The following RASSF3 variants were observed in gnomAD, a reference collection of about 807,000 sequenced individuals.
RASSF3 encodes ras association domain-containing protein 3.
A neutral mutation model predicts 19.9 loss-of-function variants in RASSF3; 19 were observed. The observed-to-expected ratio is 0.96, with a 90% CI of 0.67 to 1.40. RASSF3 has a LOEUF of 1.40. Among genes scored for constraint, RASSF3 ranks in the 40% most tolerant of loss-of-function variants. The probability of loss-of-function intolerance (pLI) is 0.00; values close to 1 mark genes in which losing one functional copy is unlikely to be tolerated. For synonymous variants in RASSF3, 110 were observed against 104.2 expected, an observed-to-expected ratio of 1.06 and a Z score of -0.34; for missense variants, 306 against 289.8, an observed-to-expected ratio of 1.06 and a Z score of -0.41.
At chr12:64,552,789 G>A (rs1869187244) in intron 2 of RASSF3, among the ~76,000 whole-genome samples, 1 of 152,108 alleles carries the variant, frequency 6.6e-6, no homozygotes, top group Admixed American at 6.5e-5. Flanking sequence ...GTGGGCATTT[G>A]GGTTGATTCT....
chr12:64,559,042 CT>C (rs1172160573), intron 2 of RASSF3, among the ~76,000 whole-genome samples: 1 of 152,068 alleles, frequency 6.6e-6, no homozygotes, highest in Non-Finnish European at 1.5e-5. Flanking sequence ...TTGTGGCTGC[CT>C]GGCTCCTGAC....
chr12:64,566,408 G>A (rs1222100609), intron 2 of RASSF3, among the ~76,000 whole-genome samples: 2 of 152,160 alleles, frequency 1.3e-5, no homozygotes, highest in African/African-American at 2.4e-5. Flanking sequence ...AGAACTCATT[G>A]GAAGCAAGGT....
intron 1 of RASSF3, among the ~76,000 whole-genome samples, chr12:64,516,487 C>T (rs530575100): frequency 0.014 from 2,160 of 150,246 alleles, 20 homozygotes; most frequent in Non-Finnish European, 0.018. Flanking sequence ...GGCGTAGTGG[C>T]GGGCGCCTGT....
chr12:64,558,366 G>A (rs144441561), intron 2 of RASSF3, among the ~76,000 whole-genome samples: 4 of 152,136 alleles, frequency 2.6e-5, no homozygotes, highest in Admixed American at 1.3e-4. Flanking sequence ...CTTTTCCATG[G>A]GAGATGCTTT....
intron 2 of RASSF3, among the ~76,000 whole-genome samples, chr12:64,560,127 G>C (rs1869323878): frequency 6.6e-6 from 1 of 152,196 alleles, no homozygotes; most frequent in Non-Finnish European, 1.5e-5. Flanking sequence ...GGTTCAGAGG[G>C]CTCTGCCAAG....
intron 2 of RASSF3, among the ~76,000 whole-genome samples, chr12:64,576,044 C>A (rs996993769): frequency 6.6e-6 from 1 of 152,136 alleles, no homozygotes; most frequent in Non-Finnish European, 1.5e-5. Context: ...CATGCACCAC[C>A]ATGCCCGGCT....
intron 1 of RASSF3, among the ~76,000 whole-genome samples, chr12:64,625,763 A>G (rs1870965725): frequency 6.6e-6 from 1 of 151,954 alleles, no homozygotes; most frequent in African/African-American, 2.4e-5. Flanking sequence ...TTCTCTCTCC[A>G]CAGAGTGACT....
intron 1 of RASSF3, among the ~76,000 whole-genome samples, chr12:64,541,047 T>C (rs1868925523): frequency 7.1e-6 from 1 of 141,502 alleles, no homozygotes; most frequent in African/African-American, 2.5e-5. Context: ...ATCCTAGCAC[T>C]TTGGGATTAC....
intron 1 of RASSF3, among the ~76,000 whole-genome samples, chr12:64,527,164 G>C (rs1410865551): frequency 6.6e-6 from 1 of 152,174 alleles, no homozygotes; most frequent in Non-Finnish European, 1.5e-5. Flanking sequence ...GAGAACTGCT[G>C]AATTGCAGAA....
intron 2 of RASSF3, among the ~76,000 whole-genome samples, chr12:64,686,101 C>T (rs1457777180): frequency 6.6e-6 from 1 of 152,094 alleles, no homozygotes; most frequent in Non-Finnish European, 1.5e-5. Flanking sequence ...CAGAGAATCC[C>T]AAGATAACTC....
At chr12:64,665,899 C>G (rs372215297) in intron 1 of RASSF3, among the ~76,000 whole-genome samples, 2 of 152,154 alleles carry the variant, frequency 1.3e-5, no homozygotes, top group Non-Finnish European at 2.9e-5. Flanking sequence ...TCATCAATAG[C>G]AGTAGTAATA....
upstream of RASSF3, among the ~76,000 whole-genome samples, chr12:64,608,847 A>G (rs1217841843): frequency 6.6e-6 from 1 of 152,240 alleles, no homozygotes; most frequent in African/African-American, 2.4e-5. Flanking sequence ...TGTGCATGGC[A>G]CACACACGGA....
intron 2 of RASSF3, among the ~76,000 whole-genome samples, chr12:64,556,303 C>T (rs191944951): frequency 1.8e-4 from 27 of 152,270 alleles, no homozygotes; most frequent in Non-Finnish European, 2.1e-4. Context: ...TGCAGGCATG[C>T]ACACCACACC....
chr12:64,514,186 C>CTTT (rs1380519649), intron 1 of RASSF3, among the ~76,000 whole-genome samples: 5 of 124,436 alleles, frequency 4.0e-5, no homozygotes, highest in Non-Finnish European at 4.8e-5. Context: ...AGCGCTCAGC[C>CTTT]TCTTTTTTTT....
At chr12:64,524,052 CTTT>C (rs35141966) in intron 1 of RASSF3, among the ~76,000 whole-genome samples, 1 of 120,088 alleles carries the variant, frequency 8.3e-6, no homozygotes. Context: ...TGTACTTGCT[CTTT>C]TTTTTTTTTT....
intron 1 of RASSF3, among the ~76,000 whole-genome samples, chr12:64,540,706 A>G (rs567042190): frequency 7.9e-5 from 12 of 152,232 alleles, no homozygotes; most frequent in Non-Finnish European, 1.5e-4. Context: ...TGTAATCTCA[A>G]CACTTTGGGA....
At chr12:64,564,314 G>T (rs573320501) in intron 2 of RASSF3, among the ~76,000 whole-genome samples, 4 of 152,124 alleles carry the variant, frequency 2.6e-5, no homozygotes, top group Non-Finnish European at 5.9e-5. Context: ...AACTTTATTG[G>T]ATTGGGGACT....
upstream of RASSF3, among the ~76,000 whole-genome samples, chr12:64,531,405 C>A (rs1262940833): frequency 2.0e-5 from 3 of 152,118 alleles, no homozygotes; most frequent in Admixed American, 2.0e-4. Context: ...TCTACCTGAA[C>A]ATTGCTTTTT....
In RASSF3 at chr12:64,688,118, C is replaced by G. The variant is rs1008921946; in HGVS notation, c.220-98C>G. 6 of 834,854 alleles carry G rather than the reference C, an allele frequency of 7.2e-6. No individual in the cohort carries two copies. In the African/African-American group the frequency reaches 1.0e-4, roughly 14 times the overall value. 51.7% of individuals were successfully genotyped at this position (834,854 alleles called of 1,614,324 possible). A position where few individuals can be genotyped will look rare whatever the true frequency, so the allele number is the denominator to read the frequency against. ...TGCCACAAACCTCAAGAGAAGAGAA[C>G]AAAGGAGTGTTTCACCTTCCCGTTT... is the stretch of plus-strand genomic sequence containing the variant. On this transcript the variant is annotated intron_variant, in intron 2 of 4. Transcript: ENST00000542104.
Sources: gnomAD v4.1 joint callset for allele counts (sites outside exome capture counted in the v4.1 genomes callset) on GRCh38, gnomAD v4.1.1 for gene constraint, MANE v1.5 for transcripts, NCBI Gene and HGNC (gene_info 2026-07-23, HGNC 2026-07-21) for gene names.